MDGA1: variants seen among roughly 807,000 people sequenced by gnomAD.
MDGA1 encodes the protein MAM domain-containing glycosylphosphatidylinositol anchor protein 1.
In MDGA1, 54 loss-of-function variants were observed where a neutral mutation model predicts 101.5. The observed-to-expected ratio is 0.53, with a 90% CI of 0.43 to 0.67. The LOEUF (loss-of-function observed/expected upper bound fraction) is 0.67. Among genes scored for constraint, MDGA1 ranks in the 30% least tolerant of loss-of-function variants. The pLI is 0.00. For missense variants in MDGA1, 1,083 were observed against 1,323.8 expected (o/e 0.82, Z 2.82); for synonymous variants, 533 against 558.3 (o/e 0.95, Z 0.64).
chr6:37,643,979 A>G (rs746929754), intron 13 of MDGA1, 36 bp from the exon 14 acceptor site: 9 of 1,610,268 alleles, frequency 5.6e-6, no homozygotes, highest in South Asian at 1.1e-5. Flanking sequence ...ACAGCCCCCA[A>G]GACAGCCAGG....
At chr6:37,666,909 AG>A (rs1264874280) in intron 1 of MDGA1, among the ~76,000 whole-genome samples, 1 of 152,202 alleles carries the variant, frequency 6.6e-6, no homozygotes, top group African/African-American at 2.4e-5. Context: ...TATATTACAC[AG>A]GGTAAACCTC....
At chr6:37,649,640 A>G (rs1421174297) in intron 8 of MDGA1, among the ~76,000 whole-genome samples, 2 of 152,142 alleles carry the variant, frequency 1.3e-5, no homozygotes, top group East Asian at 1.9e-4. Flanking sequence ...GTGAGACTTT[A>G]GGCAAGTTAC....
intron 1 of MDGA1, among the ~76,000 whole-genome samples, chr6:37,687,937 C>A (rs575271663): frequency 6.6e-6 from 1 of 151,710 alleles, no homozygotes; most frequent in South Asian, 2.1e-4. Context: ...AAGGGAGGTC[C>A]CTTGGTTAGA....
intron 10 of MDGA1, 80 bp from the exon 11 acceptor site, chr6:37,646,455 C>T: frequency 8.0e-7 from 1 of 1,244,270 alleles, no homozygotes; most frequent in Non-Finnish European, 1.1e-6. Context: ...ACAATCACCC[C>T]TTCCGTGCCC....
chr6:37,649,650 C>T (rs1761309888), intron 8 of MDGA1, among the ~76,000 whole-genome samples: 1 of 152,156 alleles, frequency 6.6e-6, no homozygotes, highest in South Asian at 2.1e-4. Flanking sequence ...AGGCAAGTTA[C>T]TCAACCTCTC....
Position 37,638,381 on chromosome 6 carries a change from C to T in MDGA1, c.2668-68G>A, listed in dbSNP as rs111545875. 5.7e-5 allele frequency: 85 copies of T among 1,504,026 alleles called. No homozygotes were observed. The highest frequency in any genetic ancestry group is 5.3e-4 in the Middle Eastern group (3 of 5,678). 93.2% of individuals were successfully genotyped at this position (1,504,026 alleles called of 1,614,324 possible). A position where few individuals can be genotyped will look rare whatever the true frequency, so the allele number is the denominator to read the frequency against. ...TCTGCTGGGTACCAGAGTGCTCCCT[C>T]GACCCCACCTTTCCCCTTAATCTAC... On this transcript the variant is annotated intron_variant, in intron 15 of 16. Coordinates refer to ENST00000434837, the MANE Select transcript of MDGA1 (RefSeq NM_153487.4). The surrounding 1 kb of genome is among the most constrained non-coding windows in gnomAD (Gnocchi z 4.8).
intron 1 of MDGA1, among the ~76,000 whole-genome samples, chr6:37,666,191 CAA>C (rs146449734): frequency 0.18 from 21,547 of 122,128 alleles, 1,780 homozygotes; most frequent in Admixed American, 0.24. Context: ...ACTAAAAATA[CAA>C]AAAAAAAAAA....
At position 37,655,805 on chromosome 6, in the gene MDGA1, A is replaced by G. The variant is rs762449941; in HGVS notation, c.474T>C (p.Thr158=). 3.4e-5 allele frequency: 55 copies of G among 1,613,600 alleles called. No individual in the cohort carries two copies. Among genetic ancestry groups the G allele is most frequent in the Non-Finnish European group, 4.5e-5 (53 of 1,179,764 alleles). The part of the protein sequence containing the change: ...YQEKTVFLRC[T]VNSNPPARFI... ...AGCGGGCAGGCGGGTTGGAGTTGAC[A>G]GTACAGCGCAGGAACACCGTCTTCT... Residue 158 remains threonine, a synonymous_variant, in exon 4 of 17, where the codon ACT becomes ACC. Transcript: ENST00000434837. This position sits in a 1 kb window ranked among gnomAD's most constrained non-coding sequence, Gnocchi z 5.1.
rs774142739 is a variant in MDGA1, at chr6:37,652,053, C to T, written c.1270G>A (p.Val424Met). The change falls in exon 7 of 17, where the codon GTG becomes ATG. Residue 424 changes from valine (V) to methionine (M), a missense_variant. Physicochemically the swap from Val to Met is conservative, Grantham distance 21. This residue lies in a region of MDGA1 where 657 missense variants were observed against 771.4 expected (regional missense o/e 0.85). Transcript: ENST00000434837. This position sits in a 1 kb window ranked among gnomAD's most constrained non-coding sequence, Gnocchi z 4.3. ...TTGACCTCGACGCTGAGGTCGGGCACGGGTGCCCCTGGGAAAGAAGCCATG... is the reference window on the plus strand; with the variant it reads ...TTGACCTCGACGCTGAGGTCGGGCATGGGTGCCCCTGGGAAAGAAGCCATG... ...LCMASFPGAP[V>M]PDLSVEVNIS... 57 of 1,610,442 alleles carry T rather than the reference C, an allele frequency of 3.5e-5. No homozygotes were observed. Among genetic ancestry groups the T allele is most frequent in the Non-Finnish European group, 4.3e-5 (51 of 1,178,962 alleles).
Position 37,650,172 on chromosome 6 carries a change from T to A in MDGA1, c.1546A>T (p.Thr516Ser). The A allele has an allele frequency of 6.2e-7, 1 of 1,611,972 alleles. No individual in the cohort carries two copies. The highest frequency in any genetic ancestry group is 8.5e-7 in the Non-Finnish European group (1 of 1,178,496). ...RDMSGTYRCQ[T>S]ARYNGFNVRP... ...ACGTTGAAGCCATTATAGCGGGCCG[T>A]CTGGCAGCGGTAGGTCCCGCTCATG... Residue 516 changes from threonine to serine, a missense_variant, in exon 8 of 17, where the codon ACG becomes TCG. Around this residue, in one of 3 missense-constraint regions of MDGA1, gnomAD observed 657 missense variants for 771.4 expected, o/e 0.85. Coordinates refer to ENST00000434837, the MANE Select transcript of MDGA1 (RefSeq NM_153487.4).
chr6:37,646,148 C>T, intron 11 of MDGA1, 50 bp downstream of exon 11: 1 of 1,552,332 alleles, frequency 6.4e-7, no homozygotes, highest in Non-Finnish European at 8.7e-7. Context: ...GAAAGGGGTC[C>T]CTGGCCATGA....
rs1762442421 is a variant in MDGA1, at chr6:37,697,272, G to C, written c.-461C>G. On this transcript the variant is annotated 5_prime_UTR_variant, in exon 1 of 17. Transcript: ENST00000434837. ...GCGGAGTCGGGGAGGCCGGGGCTCC[G>C]CTCGAGTTAATCAATCTGCTGTTTC... The C allele has an allele frequency of 6.3e-6, 1 of 157,948 alleles. No individual in the cohort carries two copies. The highest frequency in any genetic ancestry group is 1.4e-5 in the Non-Finnish European group (1 of 71,914). 9.8% of individuals were successfully genotyped at this position (157,948 alleles called of 1,614,324 possible).
At chr6:37,643,241 A>G (rs1581844538) in intron 14 of MDGA1, 1 of 150,314 alleles carries the variant, frequency 6.7e-6, no homozygotes, top group South Asian at 2.1e-4. Context: ...CATCCCCTCC[A>G]CTTCCATCTC....
chr6:37,676,661 G>A (rs944418073), intron 1 of MDGA1, among the ~76,000 whole-genome samples: 45 of 100,414 alleles, frequency 4.5e-4, no homozygotes, highest in Middle Eastern at 4.5e-3. Context: ...CACTTTGGGA[G>A]GCAAGGCTGG....
intron 8 of MDGA1, 146 bp from the exon 9 acceptor site, chr6:37,649,412 C>T: frequency 7.4e-7 from 1 of 1,346,332 alleles, no homozygotes; most frequent in Non-Finnish European, 9.6e-7. Context: ...CGCAACACAT[C>T]CCTCCAATGG....
chr6:37,651,101 G>A (rs1335645273), intron 7 of MDGA1, among the ~76,000 whole-genome samples: 2 of 152,242 alleles, frequency 1.3e-5, no homozygotes, highest in Non-Finnish European at 2.9e-5. Context: ...GGAGCCTGGG[G>A]CCCTGAGGAC....
chr6:37,640,118 A>T (rs1207379438), intron 14 of MDGA1, among the ~76,000 whole-genome samples: 1 of 152,104 alleles, frequency 6.6e-6, no homozygotes, highest in Non-Finnish European at 1.5e-5. Flanking sequence ...GGAAGGATAG[A>T]GGGCTCCCAG....
Position 37,658,329 on chromosome 6 carries a change from G to C in MDGA1, c.298C>G (p.Arg100Gly), listed in dbSNP as rs1201721134. 3 of 1,612,974 alleles carry C rather than the reference G, an allele frequency of 1.9e-6. No individual in the cohort carries two copies. Among genetic ancestry groups the C allele is most frequent in the Non-Finnish European group, 1.7e-6 (2 of 1,179,644 alleles). The change falls in exon 3 of 17, where the codon CGC becomes GGC. Residue 100 changes from arginine (R) to glycine (G), a missense_variant. Transcript: ENST00000434837. ...CAGTAGTAGCGGCCGCCCTGCGTGC[G>C]TGCAATACGCTCGATGCGCAGCGTC... ...NETLRIERIA[R>G]TQGGRYYCKA...
intron 1 of MDGA1, among the ~76,000 whole-genome samples, chr6:37,679,224 G>A (rs544658011): frequency 2.3e-4 from 35 of 152,168 alleles, no homozygotes; most frequent in Non-Finnish European, 3.1e-4. Context: ...ACTTGAAATC[G>A]AGTAGGTGGG....
Sources: allele counts gnomAD v4.1 joint callset (sites outside exome capture counted in the v4.1 genomes callset), GRCh38; gene constraint gnomAD v4.1.1; regional missense constraint gnomAD v4.1.1; non-coding constraint Gnocchi (gnomAD v3.1); transcripts MANE v1.5; gene names NCBI Gene and HGNC (gene_info 2026-07-23, HGNC 2026-07-21).